RBFOX1: variants seen among roughly 807,000 people sequenced by gnomAD.
RBFOX1 encodes the protein RNA binding fox-1 homolog 1, also known as RNA binding protein fox-1 homolog 1.
A neutral mutation model predicts 57.7 loss-of-function variants in RBFOX1; 8 were observed. The ratio of observed to expected loss-of-function variants is 0.14; its 90% CI spans 0.08 to 0.25. The LOEUF (loss-of-function observed/expected upper bound fraction) is 0.25. Among genes scored for constraint, RBFOX1 ranks in the 10% least tolerant of loss-of-function variants. The pLI is 1.00. For missense variants in RBFOX1, 611 were observed against 548.5 expected, an observed-to-expected ratio of 1.11 and a Z score of -1.14; for synonymous variants, 326 against 222.4, an observed-to-expected ratio of 1.47 and a Z score of -4.15.
rs1281689307 is a variant in RBFOX1, at chr16:6,327,610, G to C, written c.-64+10553G>C. On this transcript the variant is annotated intron_variant, in intron 2 of 15. Coordinates refer to ENST00000550418, the MANE Select transcript of RBFOX1 (RefSeq NM_018723.4). ...AACTAGGCAATGACTTTGCAATTAGGAGTCAAATAGAATCTATACCTTCAA... is the reference window on the plus strand; with the variant it reads ...AACTAGGCAATGACTTTGCAATTAGCAGTCAAATAGAATCTATACCTTCAA... 2.0e-5 allele frequency among the ~76,000 whole-genome samples: 3 copies of C among 152,194 alleles called. No individual in the cohort carries two copies. In the East Asian group the frequency reaches 5.8e-4, roughly 29 times the overall value.
At chr16:7,658,295 A>C (rs958854096) in intron 12 of RBFOX1, among the ~76,000 whole-genome samples, 1 of 152,196 alleles carries the variant, frequency 6.6e-6, no homozygotes, top group Admixed American at 6.5e-5. Context: ...GCAGTTTCAC[A>C]GACCTCCATT....
intron 3 of RBFOX1, among the ~76,000 whole-genome samples, chr16:6,865,751 T>C (rs1324282683): frequency 1.3e-5 from 2 of 152,144 alleles, no homozygotes; most frequent in African/African-American, 2.4e-5. Flanking sequence ...CACAAATAGG[T>C]TTATTTGTTG....
chr16:5,499,252 T>C (rs988990382), intron 2 of RBFOX1, among the ~76,000 whole-genome samples: 1 of 152,206 alleles, frequency 6.6e-6, no homozygotes, highest in African/African-American at 2.4e-5. Flanking sequence ...ATCTGTCTTA[T>C]TTTGGGTAGA....
rs13334201 is a variant in RBFOX1 at position 5,351,731 on chromosome 16, A to G, written c.219+111626A>G. 4.3e-3 allele frequency among the ~76,000 whole-genome samples: 653 copies of G among 152,264 alleles called. 5 individuals are homozygous for G. The highest frequency in any genetic ancestry group is 0.015 in the African/African-American group (612 of 41,554). ...GACCCTTGATATCGCTTAGCCCGAG[A>G]ACTCCTTGTGAGTGACCCTGGTTAT... On this transcript the variant is annotated intron_variant, in intron 1 of 2. Coordinates refer to the RBFOX1 transcript ENST00000585867.
At chr16:7,333,170 A>G in intron 4 of RBFOX1, 5 of 1,332,972 alleles carry the variant, frequency 3.8e-6, no homozygotes, top group South Asian at 1.2e-5. Context: ...TTGAGAAAGC[A>G]AACACTTTTA....
intron 4 of RBFOX1, among the ~76,000 whole-genome samples, chr16:7,357,877 C>G (rs1482976352): frequency 1.3e-5 from 2 of 152,178 alleles, no homozygotes; most frequent in Non-Finnish European, 2.9e-5. Context: ...TTTCTTCAGT[C>G]TAGTTTTGGT....
chr16:7,015,776 A>AT lies in RBFOX1; in HGVS notation c.-15-36271dup, dbSNP rs1012352884. Among the ~76,000 whole-genome samples, 202 of 149,706 alleles carry AT rather than the reference A, an allele frequency of 1.3e-3. 1 individual carries two copies. The highest frequency in any genetic ancestry group is 4.0e-3 in the African/African-American group (164 of 40,778). On this transcript the variant is annotated intron_variant, in intron 3 of 15. Coordinates refer to ENST00000550418, the MANE Select transcript of RBFOX1 (RefSeq NM_018723.4). ...AACATTTTCTTTTTTTTTCTTAAAG[A>AT]TTTTTTTTTTCTGACTAATAACATT...
At chr16:6,957,034 G>A (rs772855715) in intron 3 of RBFOX1, among the ~76,000 whole-genome samples, 19 of 151,250 alleles carry the variant, frequency 1.3e-4, no homozygotes, top group Non-Finnish European at 2.2e-4. Context: ...TAAAAGAATA[G>A]GCATATTCCA....
intron 4 of RBFOX1, among the ~76,000 whole-genome samples, chr16:7,418,987 C>G (rs915584390): frequency 6.6e-6 from 1 of 152,132 alleles, no homozygotes. Flanking sequence ...TCACTGCACC[C>G]TTGACCTCCC....
intron 3 of RBFOX1, among the ~76,000 whole-genome samples, chr16:6,917,976 T>G (rs561387770): frequency 6.2e-4 from 95 of 152,196 alleles, no homozygotes; most frequent in African/African-American, 2.2e-3. Context: ...GGAGAGCCAC[T>G]TACGAATTTG....
At chr16:6,824,983 G>GGTTTTTTTTTTTTTTTTTTTTTTT (rs2091913965) in intron 3 of RBFOX1, among the ~76,000 whole-genome samples, 1 of 36,878 alleles carries the variant, frequency 2.7e-5, no homozygotes, top group Non-Finnish European at 5.9e-5. Context: ...TTCTTTCTTG[G>GGTTTTTTTTTTTTTTTTTTTTTTT]TTTTTTTTTT....
intron 2 of RBFOX1, among the ~76,000 whole-genome samples, chr16:6,594,841 T>A (rs2097761202): frequency 6.6e-6 from 1 of 152,166 alleles, no homozygotes; most frequent in Non-Finnish European, 1.5e-5. Flanking sequence ...CAGGCTGGAG[T>A]GCAGTGGCGT....
rs1232897618 is a variant in RBFOX1, at chr16:6,721,979, A to ATCTGTATTACAG, written c.-16+67330_-16+67341dup. ...GCTCCCTCGCCCTGTCCTAAGGTTC[A>ATCTGTATTACAG]TCTGTATTACAGCATGTATCAAAAT... On this transcript the variant is annotated intron_variant, in intron 3 of 15. Coordinates refer to ENST00000550418, the MANE Select transcript of RBFOX1 (RefSeq NM_018723.4). The ATCTGTATTACAG allele has an allele frequency of 4.6e-5, 7 of 153,284 alleles. No homozygotes were observed. In the East Asian group the frequency reaches 1.4e-3, roughly 30 times the overall value. The allele number at this position is 153,284 out of a possible 1,614,324, so 9.5% of individuals were successfully genotyped here.
chr16:5,274,807 C>G (rs2063102463), intron 1 of RBFOX1, among the ~76,000 whole-genome samples: 1 of 152,184 alleles, frequency 6.6e-6, no homozygotes. Flanking sequence ...CAGAGCCAGC[C>G]AGGTCTCCTT....
chr16:5,246,117 C>A (rs1311287152), intron 1 of RBFOX1, among the ~76,000 whole-genome samples: 2 of 152,150 alleles, frequency 1.3e-5, no homozygotes, highest in Non-Finnish European at 2.9e-5. Flanking sequence ...TGGCACACAC[C>A]TGTAATCCCA....
At chr16:7,132,997 A>G (rs564991711) in intron 4 of RBFOX1, among the ~76,000 whole-genome samples, 16 of 152,326 alleles carry the variant, frequency 1.1e-4, no homozygotes, top group African/African-American at 3.8e-4. Context: ...ATACCAGGAA[A>G]TAAACCAGAA....
chr16:7,060,439 C>A (rs2053896825), intron 4 of RBFOX1, among the ~76,000 whole-genome samples: 1 of 152,164 alleles, frequency 6.6e-6, no homozygotes, highest in Admixed American at 6.5e-5. Flanking sequence ...ATATGTTTTA[C>A]ATTAAAACAA....
At chr16:5,854,364 A>G (rs984861598) in intron 3 of RBFOX1, among the ~76,000 whole-genome samples, 2 of 152,212 alleles carry the variant, frequency 1.3e-5, no homozygotes, top group African/African-American at 4.8e-5. Context: ...CCTGGCAACC[A>G]TCATTCTAGT....
rs372484456 is a variant in RBFOX1 at position 5,438,253 on chromosome 16, G to C, written c.220-28963G>C. 5.9e-5 allele frequency among the ~76,000 whole-genome samples: 9 copies of C among 152,320 alleles called. No individual in the cohort carries two copies. In the East Asian group the frequency reaches 9.6e-4, roughly 16 times the overall value. ...TTGTGATCACCCTCACTCCCATCCAGTCATCACCTAAGTTACCTCCAGGGT... is the reference window on the plus strand; with the variant it reads ...TTGTGATCACCCTCACTCCCATCCACTCATCACCTAAGTTACCTCCAGGGT... On this transcript the variant is annotated intron_variant, in intron 1 of 2. Coordinates refer to the RBFOX1 transcript ENST00000585867.
Sources: gnomAD v4.1 joint callset for allele counts (sites outside exome capture counted in the v4.1 genomes callset) on GRCh38, gnomAD v4.1.1 for gene constraint, MANE v1.5 for transcripts, NCBI Gene and HGNC (gene_info 2026-07-23, HGNC 2026-07-21) for gene names.